Variants in ADAM12 observed in about 807,000 individuals in gnomAD.
ADAM12 encodes ADAM metallopeptidase domain 12.
A neutral mutation model predicts 106.4 loss-of-function variants in ADAM12; 70 were observed. The observed-to-expected ratio is 0.66, with a 90% CI of 0.54 to 0.80. The LOEUF (loss-of-function observed/expected upper bound fraction) is 0.80, where lower values mean the gene tolerates loss of function less well. ADAM12 is among the 30% of genes least tolerant of loss of function. The pLI is 0.00. For missense variants in ADAM12, 1,010 were observed against 1,171.9 expected, an observed-to-expected ratio of 0.86 and a Z score of 2.02; for synonymous variants, 420 against 433.5, an observed-to-expected ratio of 0.97 and a Z score of 0.39.
chr10:126,300,001 C>A lies in ADAM12; in HGVS notation c.187-21013G>T, dbSNP rs12250947. Among the ~76,000 whole-genome samples the A allele has an allele frequency of 3.3e-3, 497 of 152,302 alleles. 1 individual carries two copies. Among genetic ancestry groups the A allele is most frequent in the Non-Finnish European group, 5.5e-3 (375 of 68,030 alleles). On this transcript the variant is annotated intron_variant, in intron 2 of 22. Transcript: ENST00000448723. ...TCACCGTCAGTCTCTTCACCATCTT[C>A]GAAGTATTCCTTTTCACTTTCTTTC...
chr10:126,046,015 G>A, intron 17 of ADAM12, 40 bp downstream of exon 17: 1 of 1,568,350 alleles, frequency 6.4e-7, no homozygotes, highest in African/African-American at 1.4e-5. Context: ...TACTTAACTT[G>A]TTATGGGCTG....
In ADAM12 at chr10:126,342,172, C is replaced by T. The variant is rs1447399704; in HGVS notation, c.89-11663G>A. Reference sequence around the variant, plus strand: ...GGGTGAGATGGGGAATAAGGTGGGACTTCAAGCACTGCAATGATTGGAATC... The same window carrying T: ...GGGTGAGATGGGGAATAAGGTGGGATTTCAAGCACTGCAATGATTGGAATC... On this transcript the variant is annotated intron_variant, in intron 1 of 22. Coordinates refer to ENST00000448723, the MANE Select transcript of ADAM12 (RefSeq NM_001288973.2). 4.6e-5 allele frequency among the ~76,000 whole-genome samples: 7 copies of T among 152,162 alleles called. No individual in the cohort carries two copies. The East Asian group carries it at 1.3e-3, about 29-fold the overall frequency.
At chr10:126,021,808 A>G (rs769033660) in intron 21 of ADAM12, among the ~76,000 whole-genome samples, 6 of 152,188 alleles carry the variant, frequency 3.9e-5, no homozygotes, top group Non-Finnish European at 8.8e-5. Flanking sequence ...ATAACCCATG[A>G]GTGTTAGCTG....
chr10:126,287,231 C>T (rs1366519564), intron 2 of ADAM12, among the ~76,000 whole-genome samples: 1 of 152,158 alleles, frequency 6.6e-6, no homozygotes. Flanking sequence ...GAATGACAGT[C>T]CACCAGGCAC....
chr10:126,330,391 G>T (rs1854466607), intron 2 of ADAM12, 21 bp downstream of exon 2: 3 of 1,596,186 alleles, frequency 1.9e-6, no homozygotes, highest in Non-Finnish European at 2.6e-6. Context: ...TCTCAAAGCT[G>T]AGAAAAGGAG....
chr10:126,313,657 A>ATCTG (rs1482187048), intron 2 of ADAM12, among the ~76,000 whole-genome samples: 3 of 152,146 alleles, frequency 2.0e-5, no homozygotes, highest in Admixed American at 6.5e-5. Flanking sequence ...CCATCCGTCG[A>ATCTG]TCTGTCTGTC....
At chr10:126,045,997 T>A in intron 17 of ADAM12, 58 bp downstream of exon 17, 1 of 1,451,280 alleles carries the variant, frequency 6.9e-7, no homozygotes, top group South Asian at 1.1e-5. Flanking sequence ...TACAAATGAA[T>A]GTATTATTAC....
chr10:126,250,580 G>C (rs948321907), intron 3 of ADAM12, among the ~76,000 whole-genome samples: 7 of 152,146 alleles, frequency 4.6e-5, no homozygotes, highest in African/African-American at 1.7e-4. Flanking sequence ...TTGTGGCTTG[G>C]GGAATTAAAA....
intron 11 of ADAM12, among the ~76,000 whole-genome samples, chr10:126,075,070 C>T (rs2133509047): frequency 6.6e-6 from 1 of 152,340 alleles, no homozygotes; most frequent in African/African-American, 2.4e-5. Context: ...CTTCCACAAA[C>T]ATTCCTGCCA....
At chr10:126,162,965 A>G (rs1956962796) in intron 3 of ADAM12, among the ~76,000 whole-genome samples, 1 of 152,074 alleles carries the variant, frequency 6.6e-6, no homozygotes, top group Non-Finnish European at 1.5e-5. Context: ...CTTCGTAAGA[A>G]TGAGTTTTTG....
chr10:126,349,652 T>C (rs1013844631), intron 1 of ADAM12, among the ~76,000 whole-genome samples: 7 of 152,182 alleles, frequency 4.6e-5, no homozygotes, highest in Admixed American at 1.3e-4. Flanking sequence ...AGAGGAAACT[T>C]CCCTCTAAAG....
intron 1 of ADAM12, among the ~76,000 whole-genome samples, chr10:126,379,379 A>C (rs751501894): frequency 3.3e-5 from 5 of 152,216 alleles, no homozygotes; most frequent in Non-Finnish European, 7.3e-5. Context: ...GGATGAGTTC[A>C]TGTCCTTTGC....
rs377362656 is a variant in ADAM12, at chr10:126,109,373, A to T, written c.669+402T>A. 5.6e-4 allele frequency among the ~76,000 whole-genome samples: 85 copies of T among 152,344 alleles called. 1 individual carries two copies. In the South Asian group the frequency reaches 0.013, roughly 24 times the overall value. On this transcript the variant is annotated intron_variant, in intron 7 of 22. Transcript: ENST00000448723. ...GGGAGGATTTTTCTGCTGTGTCTCTATAGCCTTCATTCATACCTTCATTTA... is the reference window on the plus strand; with the variant it reads ...GGGAGGATTTTTCTGCTGTGTCTCTTTAGCCTTCATTCATACCTTCATTTA...
chr10:126,091,534 A>C (rs951328366), intron 11 of ADAM12, among the ~76,000 whole-genome samples: 9 of 152,254 alleles, frequency 5.9e-5, no homozygotes, highest in African/African-American at 2.2e-4. Context: ...GCACAAGCTC[A>C]GCAAAAGAGA....
Position 126,019,728 on chromosome 10 carries a change from T to G in ADAM12, c.2627A>C (p.Gln876Pro). ...TGCCAGGCGGAGCCCAGTCTCCCAT[T>G]GTCCTGGGGTCCTGGCCAAGGCATG... ...LTHALARTPG[Q>P]WETGLRLAPL... The change falls in exon 22 of 23, where the codon CAA becomes CCA. Residue 876 changes from glutamine (Q) to proline (P), a missense_variant. By Grantham distance (76) the Gln-to-Pro change is moderately conservative. Coordinates refer to ENST00000448723, the MANE Select transcript of ADAM12 (RefSeq NM_001288973.2). The G allele has an allele frequency of 6.2e-7, 1 of 1,614,044 alleles. No individual in the cohort carries two copies. Among genetic ancestry groups the G allele is most frequent in the Non-Finnish European group, 8.5e-7 (1 of 1,179,956 alleles).
At chr10:126,032,255 G>T (rs1302834505) in intron 21 of ADAM12, among the ~76,000 whole-genome samples, 1 of 152,144 alleles carries the variant, frequency 6.6e-6, no homozygotes, top group African/African-American at 2.4e-5. Flanking sequence ...AATGTCAGTG[G>T]ATTCAATTTG....
chr10:126,362,537 T>C (rs12355055), intron 1 of ADAM12, among the ~76,000 whole-genome samples: 54,687 of 151,990 alleles, frequency 0.36, 10,056 homozygotes, highest in South Asian at 0.42. Context: ...AGTCAAGTTA[T>C]AGAATTAACC....
At chr10:126,019,663 A>T (rs753535686) in intron 22 of ADAM12, 32 bp downstream of exon 22, 46 of 1,604,240 alleles carry the variant, frequency 2.9e-5, no homozygotes, top group Non-Finnish European at 3.2e-5. Context: ...AGTTTGAGAG[A>T]GAAAGAGATG....
chr10:126,248,229 C>T (rs867626797), intron 3 of ADAM12, among the ~76,000 whole-genome samples: 2 of 152,084 alleles, frequency 1.3e-5, no homozygotes, highest in African/African-American at 4.8e-5. Context: ...AGGGTGATGC[C>T]GACTTCACAT....
Sources: allele counts gnomAD v4.1 joint callset (sites outside exome capture counted in the v4.1 genomes callset), GRCh38; gene constraint gnomAD v4.1.1; transcripts MANE v1.5; gene names NCBI Gene and HGNC (gene_info 2026-07-23, HGNC 2026-07-21).